Variants in NOS1AP observed in about 807,000 individuals in gnomAD.
NOS1AP encodes the protein carboxyl-terminal PDZ ligand of neuronal nitric oxide synthase protein.
In NOS1AP, 21 loss-of-function variants were observed where a neutral mutation model predicts 56.2. That is an observed-to-expected ratio of 0.37 (90% CI 0.26 to 0.54). The LOEUF (loss-of-function observed/expected upper bound fraction) is 0.54, where lower values mean the gene tolerates loss of function less well. Ranked by LOEUF, NOS1AP falls within the 20% of genes least tolerant of loss-of-function variation. The pLI is 0.84. For missense variants in NOS1AP, 522 were observed against 657.8 expected (o/e 0.79, Z 2.26); for synonymous variants, 270 against 274.6 (o/e 0.98, Z 0.17).
At chr1:162,264,474 C>CTCTCCTCTCCTCTCCTCT (rs1557855390) in intron 2 of NOS1AP, among the ~76,000 whole-genome samples, 55 of 3,656 alleles carry the variant, frequency 0.015, no homozygotes, top group East Asian at 0.026. Flanking sequence ...TCCTCCCCTC[C>CTCTCCTCTCCTCTCCTCT]CCTCCCCTCC....
At chr1:162,088,927 T>G (rs910869860) in intron 1 of NOS1AP, among the ~76,000 whole-genome samples, 1 of 152,146 alleles carries the variant, frequency 6.6e-6, no homozygotes, top group Non-Finnish European at 1.5e-5. Context: ...GACCGATACC[T>G]CTTTTGGTAT....
intron 1 of NOS1AP, among the ~76,000 whole-genome samples, chr1:162,105,283 G>A (rs1647451651): frequency 6.6e-6 from 1 of 152,178 alleles, no homozygotes; most frequent in Non-Finnish European, 1.5e-5. Flanking sequence ...TCCTCTGGAA[G>A]CTCTGTCCTA....
chr1:162,321,751 T>A (rs1259126125), intron 4 of NOS1AP, among the ~76,000 whole-genome samples: 1 of 142,566 alleles, frequency 7.0e-6, no homozygotes, highest in Non-Finnish European at 1.5e-5. Flanking sequence ...TATATATATA[T>A]AAAAGCAACA....
intron 6 of NOS1AP, among the ~76,000 whole-genome samples, chr1:162,347,128 A>G (rs1421076969): frequency 2.6e-5 from 4 of 152,236 alleles, no homozygotes; most frequent in Non-Finnish European, 5.9e-5. Context: ...CTTGGCTCAA[A>G]GAACAGAAAC....
At chr1:162,340,143 A>G (rs989999590) in intron 5 of NOS1AP, among the ~76,000 whole-genome samples, 11 of 152,226 alleles carry the variant, frequency 7.2e-5, no homozygotes, top group Admixed American at 4.6e-4. Flanking sequence ...AGGGCTCTTT[A>G]TGAAACATGC....
chr1:162,144,204 G>A (rs1401232003), intron 1 of NOS1AP, among the ~76,000 whole-genome samples: 1 of 151,848 alleles, frequency 6.6e-6, no homozygotes, highest in African/African-American at 2.4e-5. Flanking sequence ...CTCAAGTTGA[G>A]TTTAATGTAG....
At chr1:162,280,423 A>G (rs537854403) in intron 2 of NOS1AP, among the ~76,000 whole-genome samples, 3 of 152,354 alleles carry the variant, frequency 2.0e-5, no homozygotes, top group South Asian at 2.1e-4. Flanking sequence ...ATAAAAATGT[A>G]TAATAATCCT....
intron 2 of NOS1AP, among the ~76,000 whole-genome samples, chr1:162,176,900 C>T (rs550592518): frequency 2.0e-5 from 3 of 152,242 alleles, no homozygotes; most frequent in South Asian, 2.1e-4. Context: ...TTGATGATTA[C>T]GAATAAAGCT....
intron 1 of NOS1AP, among the ~76,000 whole-genome samples, chr1:162,084,133 T>C (rs1558091558): frequency 6.6e-6 from 1 of 152,246 alleles, no homozygotes; most frequent in African/African-American, 2.4e-5. Flanking sequence ...TTAAGACCCA[T>C]GTCAGGTAAT....
intron 4 of NOS1AP, among the ~76,000 whole-genome samples, chr1:162,310,903 T>TC (rs1656005320): frequency 6.6e-6 from 1 of 150,918 alleles, no homozygotes; most frequent in Admixed American, 6.6e-5. Context: ...TCTCTCTCTC[T>TC]TCTGGACCCA....
intron 2 of NOS1AP, among the ~76,000 whole-genome samples, chr1:162,278,683 G>A (rs867163521): frequency 0.044 from 6,678 of 151,268 alleles, 250 homozygotes; most frequent in East Asian, 0.13. Context: ...GTGTGTGTGT[G>A]TGTGTGTGTG....
intron 2 of NOS1AP, among the ~76,000 whole-genome samples, chr1:162,215,295 G>C (rs886265859): frequency 6.6e-6 from 1 of 152,250 alleles, no homozygotes; most frequent in African/African-American, 2.4e-5. Flanking sequence ...CTGAGCCACA[G>C]CACTCGACTG....
chr1:162,342,607 C>T (rs750139933), intron 5 of NOS1AP: 4 of 496,314 alleles, frequency 8.1e-6, no homozygotes, highest in South Asian at 4.5e-5. Context: ...TTCATATTAC[C>T]ATTAGCTCAT....
intron 2 of NOS1AP, among the ~76,000 whole-genome samples, chr1:162,205,353 C>T (rs956575382): frequency 6.6e-6 from 1 of 152,220 alleles, no homozygotes; most frequent in Non-Finnish European, 1.5e-5. Flanking sequence ...GGATGTTTAG[C>T]TAATGGGGAG....
intron 1 of NOS1AP, among the ~76,000 whole-genome samples, chr1:162,109,835 C>A (rs1348524773): frequency 6.6e-6 from 1 of 152,090 alleles, no homozygotes; most frequent in Admixed American, 6.5e-5. Context: ...TTCGTGATCA[C>A]AGAGGAAGAC....
chr1:162,344,265 C>A (rs909760582), intron 6 of NOS1AP, among the ~76,000 whole-genome samples: 2 of 152,026 alleles, frequency 1.3e-5, no homozygotes, highest in Non-Finnish European at 2.9e-5. Flanking sequence ...TAAAAAAGCA[C>A]CCCCATAAAA....
chr1:162,206,202 C>T (rs892288939), intron 2 of NOS1AP, among the ~76,000 whole-genome samples: 17 of 151,926 alleles, frequency 1.1e-4, no homozygotes, highest in African/African-American at 3.9e-4. Flanking sequence ...ATTTTTACTC[C>T]AGGGAGCTCT....
At chr1:162,331,835 G>A (rs1410104690) in intron 4 of NOS1AP, among the ~76,000 whole-genome samples, 1 of 124,050 alleles carries the variant, frequency 8.1e-6, no homozygotes, top group Non-Finnish European at 1.8e-5. Context: ...GAGGCCCTGG[G>A]GGGGCCCTGT....
intron 2 of NOS1AP, among the ~76,000 whole-genome samples, chr1:162,161,350 C>T (rs777856298): frequency 1.7e-4 from 26 of 152,146 alleles, no homozygotes; most frequent in Non-Finnish European, 3.7e-4. Context: ...GGAGAGATTC[C>T]ACCCCCTACT....
Sources: gnomAD v4.1 joint callset for allele counts (sites outside exome capture counted in the v4.1 genomes callset) on GRCh38, gnomAD v4.1.1 for gene constraint, MANE v1.5 for transcripts, NCBI Gene and HGNC (gene_info 2026-07-23, HGNC 2026-07-21) for gene names.